The following SNCAIP variants were observed in gnomAD, a reference collection of about 807,000 sequenced individuals.
SNCAIP encodes the protein synphilin-1.
SNCAIP carries 43 observed loss-of-function variants against 86.7 expected under a neutral mutation model. The observed-to-expected ratio is 0.50, with a 90% CI of 0.39 to 0.64. The LOEUF is 0.64. Ranked by LOEUF, SNCAIP falls within the 30% of genes least tolerant of loss-of-function variation. SNCAIP has a pLI of 0.00. For synonymous variants in SNCAIP, 417 were observed against 427.2 expected, an observed-to-expected ratio of 0.98 and a Z score of 0.29; for missense variants, 981 against 1,103.1, an observed-to-expected ratio of 0.89 and a Z score of 1.57.
At chr5:122,341,477 A>G (rs1580509393) in intron 1 of SNCAIP, among the ~76,000 whole-genome samples, 1 of 152,218 alleles carries the variant, frequency 6.6e-6, no homozygotes, top group South Asian at 2.1e-4. Flanking sequence ...TATATTTCCC[A>G]GTTTGGTAAG....
At chr5:122,321,718 C>T (rs778689107) in intron 1 of SNCAIP, 1 of 152,200 alleles carries the variant, frequency 6.6e-6, no homozygotes, top group South Asian at 2.1e-4. Flanking sequence ...TGGCTCTGTT[C>T]CCCCATCGCA....
chr5:122,455,612 G>A (rs547268685), intron 10 of SNCAIP, among the ~76,000 whole-genome samples: 1 of 152,252 alleles, frequency 6.6e-6, no homozygotes, highest in Admixed American at 6.5e-5. Flanking sequence ...AAAAGAGTGA[G>A]GCGATGGATC....
chr5:122,338,468 A>G (rs1011628444), intron 1 of SNCAIP, among the ~76,000 whole-genome samples: 3 of 152,222 alleles, frequency 2.0e-5, no homozygotes, highest in Non-Finnish European at 2.9e-5. Flanking sequence ...GTGCTACAGT[A>G]AAAACCAACT....
At chr5:122,442,952 A>G (rs1201408813) in intron 7 of SNCAIP, among the ~76,000 whole-genome samples, 1 of 152,132 alleles carries the variant, frequency 6.6e-6, no homozygotes, top group Non-Finnish European at 1.5e-5. Flanking sequence ...AAGGGACCCT[A>G]TGAGGTGAGG....
In SNCAIP at chr5:122,463,566, CT is replaced by C; in HGVS notation, c.*72del. 1 of 1,582,584 alleles carries C rather than the reference CT, an allele frequency of 6.3e-7. No individual in the cohort carries two copies. ...TTGCTGAGCCAGAGTCAAAAGAACT[CT>C]TCTTGTAAATCACTTTTTAAATTTT... On this transcript the variant is annotated 3_prime_UTR_variant, in exon 11 of 11. Transcript: ENST00000261368.
intron 1 of SNCAIP, among the ~76,000 whole-genome samples, chr5:122,316,889 G>T (rs1386742250): frequency 6.6e-6 from 1 of 152,150 alleles, no homozygotes. Flanking sequence ...CACACAATTA[G>T]TCTGAACAGC....
At chr5:122,413,314 C>G (rs1774537432) in intron 3 of SNCAIP, among the ~76,000 whole-genome samples, 1 of 152,210 alleles carries the variant, frequency 6.6e-6, no homozygotes, top group African/African-American at 2.4e-5. Context: ...CAGATTCTCT[C>G]TGCTTTAGAA....
intron 1 of SNCAIP, chr5:122,336,899 G>A: frequency 6.6e-6 from 1 of 152,430 alleles, no homozygotes; most frequent in Non-Finnish European, 1.5e-5. Flanking sequence ...CACCACACTG[G>A]CCAAGGCAAG....
At chr5:122,388,731 A>G (rs778633037) in intron 1 of SNCAIP, 6 of 152,250 alleles carry the variant, frequency 3.9e-5, no homozygotes, top group Non-Finnish European at 7.3e-5. Context: ...ATTTCTGCAC[A>G]TTATAATTGA....
intron 3 of SNCAIP, among the ~76,000 whole-genome samples, chr5:122,405,611 CTGTTA>C (rs1248089915): frequency 6.6e-6 from 1 of 152,170 alleles, no homozygotes; most frequent in East Asian, 1.9e-4. Flanking sequence ...CTTCCAGATT[CTGTTA>C]TATTATCCCT....
rs1490216326 is a variant in SNCAIP, at chr5:122,451,602, G to A, written c.2754+1G>A. The A allele has an allele frequency of 1.3e-6, 2 of 1,572,630 alleles. No individual in the cohort carries two copies. Among genetic ancestry groups the A allele is most frequent in the South Asian group, 1.1e-5 (1 of 90,240 alleles). On this transcript the variant is annotated splice_donor_variant, in intron 10 of 10. Coordinates refer to ENST00000261368, the MANE Select transcript of SNCAIP (RefSeq NM_005460.4). LOFTEE classifies it high-confidence loss of function. Reference sequence around the variant, plus strand: ...CGCTAGCAAAGGAAAGAATAAGGCAGTAAGTGCTATTTGGAGAATATTCTT... The same window carrying A: ...CGCTAGCAAAGGAAAGAATAAGGCAATAAGTGCTATTTGGAGAATATTCTT...
intron 10 of SNCAIP, among the ~76,000 whole-genome samples, chr5:122,461,378 G>C (rs527470841): frequency 1.3e-5 from 2 of 152,204 alleles, no homozygotes; most frequent in African/African-American, 4.8e-5. Context: ...CAGTACTTCA[G>C]TTCTGGGAAA....
intron 3 of SNCAIP, among the ~76,000 whole-genome samples, chr5:122,412,732 T>C (rs752629195): frequency 6.6e-6 from 1 of 152,148 alleles, no homozygotes; most frequent in Non-Finnish European, 1.5e-5. Context: ...AATGTCTACA[T>C]TAGATGTCTC....
Position 122,440,626 on chromosome 5 carries a change from T to A in SNCAIP, c.1297-3T>A. 1 of 1,613,526 alleles carries A rather than the reference T, an allele frequency of 6.2e-7. No individual in the cohort carries two copies. On this transcript the variant is annotated splice_polypyrimidine_tract_variant and splice_region_variant and intron_variant, in intron 6 of 10. Coordinates refer to ENST00000261368, the MANE Select transcript of SNCAIP (RefSeq NM_005460.4). ...TGAATTCCAACTGTCTTTGTGTTTA[T>A]AGGAAAAGATTCTTCTGTGGCTTCT...
intron 4 of SNCAIP, 138 bp from the exon 5 acceptor site, chr5:122,425,214 A>G: frequency 2.6e-6 from 2 of 756,010 alleles, no homozygotes; most frequent in Non-Finnish European, 4.8e-6. Flanking sequence ...ATAGCAAGAA[A>G]CTGATTTATT....
chr5:122,461,669 G>GTTTTTTTTTTTT (rs55705552), intron 10 of SNCAIP, among the ~76,000 whole-genome samples: 5 of 133,284 alleles, frequency 3.8e-5, no homozygotes, highest in Admixed American at 7.6e-5. Context: ...TTTTATAGCT[G>GTTTTTTTTTTTT]TTTTTTTTTT....
intron 8 of SNCAIP, 102 bp from the exon 9 acceptor site, chr5:122,449,743 T>C: frequency 1.2e-6 from 1 of 854,462 alleles, no homozygotes; most frequent in Admixed American, 1.7e-5. Flanking sequence ...GCTTTTGTAT[T>C]TATTGCAACT....
At chr5:122,319,750 G>A (rs1401861455) in intron 1 of SNCAIP, among the ~76,000 whole-genome samples, 1 of 150,944 alleles carries the variant, frequency 6.6e-6, no homozygotes, top group Non-Finnish European at 1.5e-5. Context: ...AATGTTTACT[G>A]TGTTTGACAT....
chr5:122,433,081 T>G (rs1181210284), intron 6 of SNCAIP, among the ~76,000 whole-genome samples: 1 of 151,442 alleles, frequency 6.6e-6, no homozygotes, highest in Non-Finnish European at 1.5e-5. Context: ...TGCTTAGGGA[T>G]AGTTTATTTT....
Sources: gnomAD v4.1 joint callset for allele counts (sites outside exome capture counted in the v4.1 genomes callset) on GRCh38, gnomAD v4.1.1 for gene constraint, MANE v1.5 for transcripts, NCBI Gene and HGNC (gene_info 2026-07-23, HGNC 2026-07-21) for gene names.